ATP9A: variants seen among roughly 807,000 people sequenced by gnomAD.
ATP9A encodes the protein ATPase phospholipid transporting 9A, also known as probable phospholipid-transporting ATPase IIA.
Under a neutral mutation model 144.1 loss-of-function variants are expected in ATP9A, and 52 were observed. That is an observed-to-expected ratio of 0.36 (90% CI 0.29 to 0.45). The LOEUF (loss-of-function observed/expected upper bound fraction) is 0.45. Among genes scored for constraint, ATP9A ranks in the 20% least tolerant of loss-of-function variants. The pLI, the probability that ATP9A is intolerant of heterozygous loss-of-function variation, is 1.00. For missense variants in ATP9A, 947 were observed against 1,392.7 expected (o/e 0.68, Z 5.09); for synonymous variants, 582 against 557.4 (o/e 1.04, Z -0.62).
chr20:51,646,405 A>G (rs1034039858), intron 14 of ATP9A, among the ~76,000 whole-genome samples: 7 of 152,224 alleles, frequency 4.6e-5, no homozygotes, highest in African/African-American at 1.4e-4. Context: ...GTGGCATTCA[A>G]TAAGATAAAT....
chr20:51,747,911 C>CA (rs2077815362), intron 1 of ATP9A, among the ~76,000 whole-genome samples: 2 of 152,226 alleles, frequency 1.3e-5, no homozygotes, highest in Admixed American at 1.3e-4. Context: ...CCTATGCTCT[C>CA]ATCTTTCCCC....
At chr20:51,643,937 A>C (rs2077330964) in intron 14 of ATP9A, among the ~76,000 whole-genome samples, 1 of 152,072 alleles carries the variant, frequency 6.6e-6, no homozygotes. Flanking sequence ...GGAGTTCAAG[A>C]CCAGTCAGGT....
intron 23 of ATP9A, among the ~76,000 whole-genome samples, chr20:51,612,615 G>C (rs2077188963): frequency 6.6e-6 from 1 of 152,114 alleles, no homozygotes; most frequent in African/African-American, 2.4e-5. Context: ...AGTAGAGACA[G>C]GATTTCACCA....
At chr20:51,748,318 A>G (rs1320738679) in intron 1 of ATP9A, among the ~76,000 whole-genome samples, 2 of 152,200 alleles carry the variant, frequency 1.3e-5, no homozygotes, top group Non-Finnish European at 2.9e-5. Flanking sequence ...AAAAGAAGAA[A>G]GAAGGAGGTG....
chr20:51,766,666 C>T (rs1406724879), intron 1 of ATP9A, among the ~76,000 whole-genome samples: 1 of 151,916 alleles, frequency 6.6e-6, no homozygotes, highest in Non-Finnish European at 1.5e-5. Flanking sequence ...ATGGTGAAAC[C>T]CCCGTCTCTA....
intron 1 of ATP9A, among the ~76,000 whole-genome samples, chr20:51,749,304 C>T (rs2077821821): frequency 6.6e-6 from 1 of 152,174 alleles, no homozygotes; most frequent in Admixed American, 6.5e-5. Context: ...ACTCCGTCAC[C>T]CAGGCTGGAG....
At chr20:51,768,064 G>A (rs2077913194) in intron 1 of ATP9A, among the ~76,000 whole-genome samples, 1 of 152,158 alleles carries the variant, frequency 6.6e-6, no homozygotes, top group South Asian at 2.1e-4. Flanking sequence ...AAAGGAAGGT[G>A]GGCAAGGAGG....
chr20:51,640,399 C>T lies in ATP9A; in HGVS notation c.1507-895G>A, dbSNP rs377458671. ...GGCAGAGGCCAGGGATGCTACAAAACGTCCCGTAACACACAGGACATACCA... is the reference window on the plus strand; with the variant it reads ...GGCAGAGGCCAGGGATGCTACAAAATGTCCCGTAACACACAGGACATACCA... On this transcript the variant is annotated intron_variant, in intron 14 of 27. Coordinates refer to ENST00000338821, the MANE Select transcript of ATP9A (RefSeq NM_006045.3). Among the ~76,000 whole-genome samples the T allele has an allele frequency of 3.0e-4, 46 of 152,302 alleles. No homozygotes were observed. In the East Asian group the frequency reaches 5.4e-3, roughly 18 times the overall value.
intron 1 of ATP9A, among the ~76,000 whole-genome samples, chr20:51,760,649 C>T (rs2077875782): frequency 6.7e-6 from 1 of 149,398 alleles, no homozygotes; most frequent in African/African-American, 2.5e-5. Flanking sequence ...ATCACTTGAA[C>T]TGGGAGGTGG....
At position 51,613,771 on chromosome 20, in the gene ATP9A, C is replaced by T. The variant is rs750603506; in HGVS notation, c.2477G>A (p.Arg826Gln). Residue 826 changes from arginine (R) to glutamine (Q), a missense_variant, in exon 23 of 28, where the codon CGG becomes CAG. Coordinates refer to ENST00000338821, the MANE Select transcript of ATP9A (RefSeq NM_006045.3). ...FSITQFKHLG[R>Q]LLMVHGRNSY... ...GTTCCGGCCATGCACCATAAGCAAC[C>T]GGCCAAGATGCTTAAATTGAGTGAT... The T allele has an allele frequency of 5.6e-6, 9 of 1,614,104 alleles. No homozygotes were observed. Among genetic ancestry groups the T allele is most frequent in the South Asian group, 5.5e-5 (5 of 91,086 alleles).
chr20:51,748,667 C>T (rs1337030631), intron 1 of ATP9A, among the ~76,000 whole-genome samples: 6 of 152,186 alleles, frequency 3.9e-5, no homozygotes, highest in Non-Finnish European at 8.8e-5. Flanking sequence ...GACATTTTGA[C>T]GATGCTATCA....
intron 2 of ATP9A, among the ~76,000 whole-genome samples, chr20:51,729,466 C>T (rs1034211038): frequency 6.6e-6 from 1 of 152,094 alleles, no homozygotes; most frequent in South Asian, 2.1e-4. Flanking sequence ...ACTGTACCGG[C>T]GGGCAAGGTG....
intron 7 of ATP9A, 35 bp downstream of exon 7, chr20:51,693,973 T>C (rs550127757): frequency 1.9e-6 from 3 of 1,579,478 alleles, no homozygotes; most frequent in African/African-American, 2.7e-5. Context: ...TAAGATAGGT[T>C]GCCCGCATGG....
intron 11 of ATP9A, among the ~76,000 whole-genome samples, chr20:51,672,052 G>A (rs2077458484): frequency 1.3e-5 from 2 of 151,926 alleles, no homozygotes; most frequent in African/African-American, 4.8e-5. Context: ...CACCCGTCTT[G>A]GCCTCCCAAA....
At chr20:51,684,998 G>T (rs1296451962) in intron 9 of ATP9A, among the ~76,000 whole-genome samples, 4 of 143,414 alleles carry the variant, frequency 2.8e-5, no homozygotes, top group Non-Finnish European at 6.0e-5. Context: ...ACCACTGAGC[G>T]AGACTCCATC....
At chr20:51,698,898 C>T (rs1341869179) in intron 4 of ATP9A, among the ~76,000 whole-genome samples, 1 of 152,188 alleles carries the variant, frequency 6.6e-6, no homozygotes, top group East Asian at 1.9e-4. Flanking sequence ...GCCCCACACC[C>T]TGTGAGGGAG....
intron 1 of ATP9A, among the ~76,000 whole-genome samples, chr20:51,743,780 G>GGGC (rs1289777129): frequency 2.0e-5 from 3 of 149,734 alleles, no homozygotes; most frequent in African/African-American, 4.9e-5. Context: ...AGGCTGAGGC[G>GGGC]GGCGGATCAC....
intron 4 of ATP9A, among the ~76,000 whole-genome samples, chr20:51,702,678 G>A (rs1261781005): frequency 6.6e-6 from 1 of 151,950 alleles, no homozygotes; most frequent in Non-Finnish European, 1.5e-5. Context: ...CTGACTCCCA[G>A]AATGAAAAAA....
intron 26 of ATP9A, among the ~76,000 whole-genome samples, 190 bp from the exon 27 acceptor site, chr20:51,605,210 G>A (rs1266477569): frequency 6.6e-6 from 1 of 152,146 alleles, no homozygotes; most frequent in African/African-American, 2.4e-5. Context: ...TGACCTTGTA[G>A]GATAAATAAT....
Sources: gnomAD v4.1 joint callset for allele counts (sites outside exome capture counted in the v4.1 genomes callset) on GRCh38, gnomAD v4.1.1 for gene constraint, MANE v1.5 for transcripts, NCBI Gene and HGNC (gene_info 2026-07-23, HGNC 2026-07-21) for gene names.